ANKS1B: variants seen among roughly 807,000 people sequenced by gnomAD.
ANKS1B encodes ankyrin repeat and sterile alpha motif domain-containing protein 1B.
In ANKS1B, 36 loss-of-function variants were observed where a neutral mutation model predicts 148.3. The ratio of observed to expected loss-of-function variants is 0.24; its 90% CI spans 0.19 to 0.32. ANKS1B has a LOEUF of 0.32. Ranked by LOEUF, ANKS1B falls within the 10% of genes least tolerant of loss-of-function variation. The pLI is 1.00. For synonymous variants in ANKS1B, 542 were observed against 560.8 expected (o/e 0.97, Z 0.47); for missense variants, 1,157 against 1,542.6 (o/e 0.75, Z 4.19).
intron 17 of ANKS1B, among the ~76,000 whole-genome samples, chr12:98,886,969 T>C (rs372225045): frequency 1.3e-4 from 19 of 151,968 alleles, no homozygotes; most frequent in African/African-American, 4.1e-4. Context: ...CAAAAAGCAG[T>C]TGGCAATGAA....
chr12:98,790,509 A>C lies in ANKS1B; in HGVS notation c.3343-8372T>G, dbSNP rs576734093. On this transcript the variant is annotated intron_variant, in intron 22 of 26. Coordinates refer to ENST00000683438, the MANE Select transcript of ANKS1B (RefSeq NM_001352186.2). ...AAAAACAGTATTTTTTTTGGTAGAG[A>C]TGGGGGTCTTATTGTGTTGAACAAG... 3.8e-4 allele frequency among the ~76,000 whole-genome samples: 58 copies of C among 152,036 alleles called. 1 individual carries two copies. In the South Asian group the frequency reaches 0.012, roughly 32 times the overall value.
intron 9 of ANKS1B, among the ~76,000 whole-genome samples, chr12:99,566,745 G>A (rs977127743): frequency 1.4e-4 from 22 of 152,012 alleles, no homozygotes; most frequent in Non-Finnish European, 2.6e-4. Context: ...ACTAGATGAC[G>A]GCACCATGCT....
intron 17 of ANKS1B, among the ~76,000 whole-genome samples, chr12:99,050,679 T>G (rs1320394313): frequency 8.3e-6 from 1 of 120,250 alleles, no homozygotes; most frequent in Non-Finnish European, 1.7e-5. Flanking sequence ...CAGTTTTCTT[T>G]TTTTCTTTTT....
intron 1 of ANKS1B, among the ~76,000 whole-genome samples, chr12:99,928,271 A>ATTTTT (rs763106581): frequency 0.016 from 1,540 of 98,892 alleles, 12 homozygotes; most frequent in Non-Finnish European, 0.025. Context: ...ATTTTATTTT[A>ATTTTT]TTTTTTTTTT....
At chr12:98,835,762 TAGAC>T (rs1567002879) in intron 17 of ANKS1B, among the ~76,000 whole-genome samples, 1 of 152,092 alleles carries the variant, frequency 6.6e-6, no homozygotes, top group African/African-American at 2.4e-5. Flanking sequence ...GATAGACAGA[TAGAC>T]AGGAAACGAA....
At chr12:99,694,642 G>T (rs2053626802) in intron 8 of ANKS1B, among the ~76,000 whole-genome samples, 1 of 152,050 alleles carries the variant, frequency 6.6e-6, no homozygotes, top group Non-Finnish European at 1.5e-5. Context: ...AAGACCTACA[G>T]AATTATCCAT....
In ANKS1B at chr12:98,894,579, T is replaced by C. The variant is rs951798587; in HGVS notation, c.2779-62443A>G. The C allele has an allele frequency of 3.0e-6, 3 of 985,010 alleles. No homozygotes were observed. In the African/African-American group the frequency reaches 5.2e-5, roughly 17 times the overall value. The allele number at this position is 985,010 out of a possible 1,614,324, so 61.0% of individuals were successfully genotyped here. A position where few individuals can be genotyped will look rare whatever the true frequency, so the allele number is the denominator to read the frequency against. On this transcript the variant is annotated intron_variant, in intron 17 of 26. Coordinates refer to ENST00000683438, the MANE Select transcript of ANKS1B (RefSeq NM_001352186.2). ...TGCGGCACCACTTCTTGGAGCCACG[T>C]CTCGGCGAGCGGGGGCCGCGGAGCG...
intron 12 of ANKS1B, among the ~76,000 whole-genome samples, chr12:99,354,557 C>G (rs1042611421): frequency 1.3e-5 from 2 of 151,944 alleles, no homozygotes; most frequent in Non-Finnish European, 2.9e-5. Context: ...AATCATTTAT[C>G]TATTATTTGG....
At chr12:99,022,216 C>T (rs921101447) in intron 17 of ANKS1B, among the ~76,000 whole-genome samples, 9 of 152,122 alleles carry the variant, frequency 5.9e-5, no homozygotes, top group Non-Finnish European at 1.2e-4. Context: ...ATTGCTATAC[C>T]TATTCCATAA....
chr12:98,815,995 C>T lies in ANKS1B; in HGVS notation c.3067-8077G>A, dbSNP rs142203869. Among the ~76,000 whole-genome samples, 1,472 of 152,226 alleles carry T rather than the reference C, an allele frequency of 9.7e-3. 26 individuals carry two copies. The highest frequency in any genetic ancestry group is 0.033 in the African/African-American group (1,355 of 41,548). ...CCTAACAATGACCTGCAAGGTTCTC[C>T]GTTCTCTGGTACCCACACTGCTCTA... On this transcript the variant is annotated intron_variant, in intron 19 of 26. Transcript: ENST00000683438.
chr12:98,786,146 G>C (rs541709463), intron 22 of ANKS1B, among the ~76,000 whole-genome samples: 1 of 152,252 alleles, frequency 6.6e-6, no homozygotes, highest in African/African-American at 2.4e-5. Context: ...AAGCATTATA[G>C]TGATATTCAA....
intron 17 of ANKS1B, among the ~76,000 whole-genome samples, chr12:98,976,856 G>A (rs1173165366): frequency 1.3e-5 from 2 of 152,170 alleles, no homozygotes; most frequent in African/African-American, 2.4e-5. Context: ...TTTGTAGTTT[G>A]ATATTTAAAA....
chr12:99,945,068 C>T (rs970530040), intron 1 of ANKS1B, among the ~76,000 whole-genome samples: 1 of 152,094 alleles, frequency 6.6e-6, no homozygotes. Flanking sequence ...TCAGAGGAGG[C>T]CCCTACCCTA....
chr12:99,612,945 G>C (rs1032559842), intron 9 of ANKS1B, among the ~76,000 whole-genome samples: 3 of 152,114 alleles, frequency 2.0e-5, no homozygotes, highest in Non-Finnish European at 4.4e-5. Context: ...AGGCCTTCAA[G>C]TAATGAGTTA....
At chr12:99,314,977 G>A (rs1341086365) in intron 12 of ANKS1B, among the ~76,000 whole-genome samples, 3 of 151,862 alleles carry the variant, frequency 2.0e-5, no homozygotes, top group Admixed American at 2.0e-4. Context: ...GGGCGTGGTG[G>A]CTCACACCTG....
At chr12:99,084,293 C>T (rs1247152000) in intron 16 of ANKS1B, among the ~76,000 whole-genome samples, 3 of 152,114 alleles carry the variant, frequency 2.0e-5, no homozygotes, top group Non-Finnish European at 4.4e-5. Context: ...TGAATCTAGT[C>T]TTCTTGAACC....
At chr12:98,759,836 T>A (rs1033154600) in intron 25 of ANKS1B, among the ~76,000 whole-genome samples, 9 of 152,008 alleles carry the variant, frequency 5.9e-5, no homozygotes, top group Admixed American at 2.6e-4. Flanking sequence ...AAAAATTAGC[T>A]GGGCGTGGTG....
chr12:99,378,680 GA>G (rs1327531529), intron 12 of ANKS1B, among the ~76,000 whole-genome samples: 1 of 144,466 alleles, frequency 6.9e-6, no homozygotes, highest in Admixed American at 6.9e-5. Context: ...AAAAGAAAAA[GA>G]AAAGAAAAAG....
At chr12:99,882,596 G>A (rs1403520199) in intron 1 of ANKS1B, among the ~76,000 whole-genome samples, 4 of 152,136 alleles carry the variant, frequency 2.6e-5, no homozygotes, top group Admixed American at 1.3e-4. Flanking sequence ...TAAGCTATGA[G>A]GAAACAAAGG....
Sources: gnomAD v4.1 joint callset for allele counts (sites outside exome capture counted in the v4.1 genomes callset) on GRCh38, gnomAD v4.1.1 for gene constraint, MANE v1.5 for transcripts, NCBI Gene and HGNC (gene_info 2026-07-23, HGNC 2026-07-21) for gene names.